HOOK3: variants seen among roughly 807,000 people sequenced by gnomAD.
HOOK3 encodes the protein protein Hook homolog 3.
A neutral mutation model predicts 116.3 loss-of-function variants in HOOK3; 24 were observed. The ratio of observed to expected loss-of-function variants is 0.21; its 90% confidence interval spans 0.15 to 0.29. HOOK3 has a LOEUF of 0.29. Among genes scored for constraint, HOOK3 ranks in the 10% least tolerant of loss-of-function variants. The pLI, the probability that HOOK3 is intolerant of heterozygous loss-of-function variation, is 1.00. For missense variants in HOOK3, 632 were observed against 830.2 expected, an observed-to-expected ratio of 0.76 and a Z score of 2.93; for synonymous variants, 275 against 283.0, an observed-to-expected ratio of 0.97 and a Z score of 0.28.
intron 2 of HOOK3, among the ~76,000 whole-genome samples, chr8:42,917,433 G>C (rs1276090620): frequency 6.6e-6 from 1 of 152,130 alleles, no homozygotes; most frequent in Non-Finnish European, 1.5e-5. Flanking sequence ...AAATCGGTTG[G>C]TTCCTCTGTG....
intron 5 of HOOK3, among the ~76,000 whole-genome samples, chr8:42,944,559 G>A (rs1385948052): frequency 2.0e-5 from 3 of 152,038 alleles, no homozygotes; most frequent in East Asian, 3.9e-4. Flanking sequence ...AGTGGCTCAC[G>A]CCTGTAATCC....
intron 2 of HOOK3, among the ~76,000 whole-genome samples, chr8:42,918,472 G>A (rs1335395915): frequency 6.6e-6 from 1 of 151,786 alleles, no homozygotes; most frequent in South Asian, 2.1e-4. Flanking sequence ...GTGTTTCTCG[G>A]AGAGGGGGAT....
At chr8:42,967,732 A>C (rs1808657468) in intron 10 of HOOK3, among the ~76,000 whole-genome samples, 1 of 151,842 alleles carries the variant, frequency 6.6e-6, no homozygotes, top group Admixed American at 6.6e-5. Flanking sequence ...GTCACTGATA[A>C]TTGCCAAATT....
intron 14 of HOOK3, among the ~76,000 whole-genome samples, chr8:42,985,305 T>C (rs993035469): frequency 2.0e-5 from 3 of 152,192 alleles, no homozygotes; most frequent in Admixed American, 1.3e-4. Context: ...AAGCTCAAAA[T>C]TGGCAGCAAT....
intron 15 of HOOK3, among the ~76,000 whole-genome samples, chr8:42,990,965 G>A (rs1009754394): frequency 6.6e-6 from 1 of 152,078 alleles, no homozygotes; most frequent in Non-Finnish European, 1.5e-5. Context: ...CATTTTGATT[G>A]GATCTTTGCA....
In HOOK3 at chr8:43,027,122, C is replaced by G. The variant is rs1809946812; in HGVS notation, c.*8624C>G. ...GGCTAGGCTGGTTTTGAACTCCTGA[C>G]CTCAGGTAATCCACCCGCCTCAGCC... On this transcript the variant is annotated 3_prime_UTR_variant, in exon 22 of 22. Coordinates refer to ENST00000307602, the MANE Select transcript of HOOK3 (RefSeq NM_032410.4). 1 of 184,354 alleles carries G rather than the reference C, an allele frequency of 5.4e-6. No homozygotes were observed. Among genetic ancestry groups the G allele is most frequent in the African/African-American group, 2.4e-5 (1 of 42,220 alleles). 11.4% of individuals were successfully genotyped at this position (184,354 alleles called of 1,614,324 possible).
At chr8:42,916,974 G>A (rs1215328840) in intron 2 of HOOK3, among the ~76,000 whole-genome samples, 2 of 152,148 alleles carry the variant, frequency 1.3e-5, no homozygotes, top group African/African-American at 4.8e-5. Context: ...TTAAAGTTAA[G>A]GTCCCAGTGC....
chr8:43,009,390 CAAAA>C lies in HOOK3; in HGVS notation c.1739-907_1739-904del, dbSNP rs915555326. Among the ~76,000 whole-genome samples the C allele has an allele frequency of 9.8e-5, 12 of 122,508 alleles. No individual in the cohort carries two copies. The South Asian group carries it at 3.0e-3, about 31-fold the overall frequency. The allele number at this position is 122,508 out of a possible 152,430, so 80.4% of individuals were successfully genotyped here. ...CACTGTGCTCCAGTGAGACTGTCTC[CAAAA>C]AAAAAAAGAAAGAAAGAAATAGGCT... On this transcript the variant is annotated intron_variant, in intron 18 of 21. Transcript: ENST00000307602.
chr8:43,006,090 G>A (rs1457511622), intron 17 of HOOK3, among the ~76,000 whole-genome samples: 2 of 150,870 alleles, frequency 1.3e-5, no homozygotes, highest in African/African-American at 2.4e-5. Context: ...GTGTGATCTC[G>A]GCTCACTGCA....
chr8:42,913,442 ATGT>A lies in HOOK3; in HGVS notation c.143+7189_143+7191del, dbSNP rs201041498. Among the ~76,000 whole-genome samples the A allele has an allele frequency of 3.1e-3, 475 of 152,332 alleles. 9 individuals are homozygous for A. The highest frequency in any genetic ancestry group is 0.029 in the Admixed American group (437 of 15,300). ...TGTAGTATAATTTTGTGATTCATTCATGTTGTTATCTGTATTAATACTTCGTAC... is the reference window on the plus strand; with the variant it reads ...TGTAGTATAATTTTGTGATTCATTCATGTTATCTGTATTAATACTTCGTAC... On this transcript the variant is annotated intron_variant, in intron 2 of 21. Coordinates refer to ENST00000307602, the MANE Select transcript of HOOK3 (RefSeq NM_032410.4).
intron 2 of HOOK3, among the ~76,000 whole-genome samples, chr8:42,907,816 C>CAAAAAAAAAAAAAAAAAAA: frequency 2.2e-5 from 1 of 46,194 alleles, no homozygotes; most frequent in Non-Finnish European, 4.5e-5. Context: ...AGCAACGAGG[C>CAAAAAAAAAAAAAAAAAAA]AAAAAAAAAA....
In HOOK3 at chr8:42,949,701, C is replaced by T. The variant is rs1462647549; in HGVS notation, c.401-687C>T. Reference sequence around the variant, plus strand: ...TTGGGAGGCCGAGGCAGGCGGATCACGAGGTCAAGAGATTGAGACCATCCT... The same window carrying T: ...TTGGGAGGCCGAGGCAGGCGGATCATGAGGTCAAGAGATTGAGACCATCCT... On this transcript the variant is annotated intron_variant, in intron 5 of 21. Transcript: ENST00000307602. 8.5e-5 allele frequency among the ~76,000 whole-genome samples: 13 copies of T among 152,228 alleles called. No individual in the cohort carries two copies. The East Asian group carries it at 1.2e-3, about 14-fold the overall frequency.
intron 2 of HOOK3, among the ~76,000 whole-genome samples, chr8:42,924,081 G>A (rs1807714815): frequency 6.6e-6 from 1 of 151,968 alleles, no homozygotes. Flanking sequence ...AGTAAAAGTT[G>A]AAACATACAT....
intron 4 of HOOK3, among the ~76,000 whole-genome samples, chr8:42,940,031 C>G (rs1263948887): frequency 6.7e-6 from 1 of 148,410 alleles, no homozygotes; most frequent in Non-Finnish European, 1.5e-5. Context: ...TCCTCACATC[C>G]CAGACGGTGG....
Position 43,029,733 on chromosome 8 carries a change from A to G in HOOK3, c.*11235A>G. The G allele has an allele frequency of 5.0e-6, 1 of 199,606 alleles. No individual in the cohort carries two copies. The highest frequency in any genetic ancestry group is 1.0e-5 in the Non-Finnish European group (1 of 96,788). The allele number at this position is 199,606 out of a possible 1,614,324, so 12.4% of individuals were successfully genotyped here. Reference sequence around the variant, plus strand: ...AAATTATATCAAAAAACTTGGGGATAGAAAGAGGCTTTTTTTTCCCCCTGT... The same window carrying G: ...AAATTATATCAAAAAACTTGGGGATGGAAAGAGGCTTTTTTTTCCCCCTGT... On this transcript the variant is annotated 3_prime_UTR_variant, in exon 22 of 22. Coordinates refer to ENST00000307602, the MANE Select transcript of HOOK3 (RefSeq NM_032410.4).
chr8:42,965,550 C>G (rs1045323520), intron 9 of HOOK3, among the ~76,000 whole-genome samples: 9 of 152,004 alleles, frequency 5.9e-5, no homozygotes, highest in Admixed American at 1.3e-4. Context: ...AGCACAAAAT[C>G]GAAAGACAAG....
chr8:42,935,408 G>A (rs914546407), intron 4 of HOOK3, among the ~76,000 whole-genome samples: 6 of 152,120 alleles, frequency 3.9e-5, no homozygotes, highest in Non-Finnish European at 8.8e-5. Flanking sequence ...GATCTCATTT[G>A]TCAATTTTGG....
intron 21 of HOOK3, among the ~76,000 whole-genome samples, chr8:43,014,283 C>CAAAA (rs1442156669): frequency 6.5e-5 from 5 of 77,006 alleles, no homozygotes; most frequent in African/African-American, 2.5e-4. Context: ...AAGACTGTCT[C>CAAAA]AGAAAAAAAA....
In HOOK3 at chr8:42,986,737, T is replaced by C; in HGVS notation, c.1474T>C (p.Leu492=). Residue 492 remains leucine (L), a synonymous_variant, in exon 15 of 22, where the codon TTG becomes CTG. Transcript: ENST00000307602. ...EGSDNEKIAL[L]QSLLDDANLR... ...TTCGGACAATGAAAAAATAGCCTTA[T>C]TGCAGAGCCTTCTAGATGATGCAAA... 1 of 1,614,070 alleles carries C rather than the reference T, an allele frequency of 6.2e-7. No individual in the cohort carries two copies. Among genetic ancestry groups the C allele is most frequent in the Non-Finnish European group, 8.5e-7 (1 of 1,179,934 alleles).
Sources: allele counts gnomAD v4.1 joint callset (sites outside exome capture counted in the v4.1 genomes callset), GRCh38; gene constraint gnomAD v4.1.1; transcripts MANE v1.5; gene names NCBI Gene and HGNC (gene_info 2026-07-23, HGNC 2026-07-21).